Variants in RPS6KA3 observed in about 807,000 individuals in gnomAD.
RPS6KA3 encodes the protein ribosomal protein S6 kinase A3.
A neutral mutation model predicts 67.2 loss-of-function variants in RPS6KA3; 4 were observed. The observed-to-expected ratio is 0.06, with a 90% CI of 0.03 to 0.14. The LOEUF (loss-of-function observed/expected upper bound fraction) is 0.14. Among genes scored for constraint, RPS6KA3 ranks in the 10% least tolerant of loss-of-function variants. RPS6KA3 has a pLI of 1.00. For synonymous variants in RPS6KA3, 182 were observed against 183.7 expected (o/e 0.99, Z 0.07); for missense variants, 204 against 559.0 (o/e 0.36, Z 6.40).
intron 10 of RPS6KA3, among the ~76,000 whole-genome samples, chrX:20,181,510 G>A (rs765341613): frequency 2.3e-4 from 25 of 111,087 alleles, no homozygotes; most frequent in African/African-American, 6.9e-4. Flanking sequence ...ACAGAATTCC[G>A]ATTTATTATC....
At chrX:20,256,990 T>C (rs113813189) in intron 1 of RPS6KA3, among the ~76,000 whole-genome samples, 2,617 of 112,323 alleles carry the variant, frequency 0.023, 87 homozygotes, top group African/African-American at 0.081. Context: ...AACAGGGCTG[T>C]GTAGTGAAAA....
chrX:20,246,122 GAAA>G lies in RPS6KA3; in HGVS notation c.70-11311_70-11309del, dbSNP rs5901672. ...AATGGCATGACTCCATCTCGGAAAAGAAAAAAAAAAAAAAAAAAAAAGGGAAAT... is the reference window on the plus strand; with the variant it reads ...AATGGCATGACTCCATCTCGGAAAAGAAAAAAAAAAAAAAAAAAGGGAAAT... On this transcript the variant is annotated intron_variant, in intron 1 of 21. Coordinates refer to ENST00000379565, the MANE Select transcript of RPS6KA3 (RefSeq NM_004586.3). Among the ~76,000 whole-genome samples the G allele has an allele frequency of 5.5e-3, 288 of 52,841 alleles. 1 individual carries two copies. Among genetic ancestry groups the G allele is most frequent in the South Asian group, 0.017 (13 of 787 alleles). 45.9% of individuals were successfully genotyped at this position (52,841 alleles called of 115,157 possible). A position where few individuals can be genotyped will look rare whatever the true frequency, so the allele number is the denominator to read the frequency against.
chrX:20,179,214 A>T (rs2067782521), intron 10 of RPS6KA3, among the ~76,000 whole-genome samples: 1 of 112,154 alleles, frequency 8.9e-6, no homozygotes, highest in Non-Finnish European at 1.9e-5. Context: ...AACTGGGAGT[A>T]TAAGAAAAGA....
chrX:20,174,817 C>T (rs1370122877), intron 14 of RPS6KA3, among the ~76,000 whole-genome samples: 1 of 111,309 alleles, frequency 9.0e-6, no homozygotes, highest in African/African-American at 3.3e-5. Flanking sequence ...TGCAGTGGTG[C>T]GATCTCCGCT....
intron 15 of RPS6KA3, among the ~76,000 whole-genome samples, chrX:20,170,961 T>C (rs2067558661): frequency 9.1e-6 from 1 of 110,430 alleles, no homozygotes; most frequent in East Asian, 2.8e-4. Context: ...AATTTTTCTG[T>C]AGAGATAGGG....
intron 14 of RPS6KA3, among the ~76,000 whole-genome samples, chrX:20,174,171 A>G (rs994542588): frequency 1.8e-5 from 2 of 111,000 alleles, no homozygotes; most frequent in African/African-American, 6.6e-5. Context: ...CTTCACAGAG[A>G]AAGTCTGCCG....
intron 1 of RPS6KA3, chrX:20,265,986 TTTC>T (rs2070368718): frequency 9.0e-6 from 1 of 111,337 alleles, no homozygotes; most frequent in African/African-American, 3.3e-5. Flanking sequence ...AGGCTTCCGC[TTTC>T]TTCTTTGCAG....
At chrX:20,234,484 C>T (rs1276258711) in intron 2 of RPS6KA3, among the ~76,000 whole-genome samples, 1 of 111,312 alleles carries the variant, frequency 9.0e-6, no homozygotes, top group African/African-American at 3.3e-5. Context: ...TCAAAAAAAT[C>T]CCCAAGAAAC....
At chrX:20,229,794 T>C (rs2148775021) in intron 2 of RPS6KA3, among the ~76,000 whole-genome samples, 1 of 111,946 alleles carries the variant, frequency 8.9e-6, no homozygotes, top group African/African-American at 3.2e-5. Context: ...TAAGCCTAAT[T>C]TGTATAATCT....
chrX:20,266,939 G>C, upstream of RPS6KA3: 1 of 707,178 alleles, frequency 1.4e-6, no homozygotes, highest in Non-Finnish European at 1.7e-6. Flanking sequence ...CCGGGACTAC[G>C]GCTCCGCCCC....
chrX:20,266,493 CG>C (rs1342566622), intron 1 of RPS6KA3, 70 bp downstream of exon 1: 2 of 900,847 alleles, frequency 2.2e-6, no homozygotes, highest in African/African-American at 4.0e-5. Flanking sequence ...TGGCCAGCTC[CG>C]GGGAGCGAAG....
chrX:20,158,388 AGAG>A (rs1237683939), intron 20 of RPS6KA3, among the ~76,000 whole-genome samples: 7 of 84,187 alleles, frequency 8.3e-5, no homozygotes, highest in Non-Finnish European at 1.3e-4. Context: ...AAAAAAAAAA[AGAG>A]AGAGAGAGAG....
chrX:20,246,933 G>A (rs2069706016), intron 1 of RPS6KA3, among the ~76,000 whole-genome samples: 1 of 111,055 alleles, frequency 9.0e-6, no homozygotes, highest in African/African-American at 3.3e-5. Flanking sequence ...TAGGTGAACT[G>A]ACTTAGGAAG....
intron 14 of RPS6KA3, 127 bp downstream of exon 14, chrX:20,175,037 A>G: frequency 1.4e-6 from 1 of 691,029 alleles, no homozygotes; most frequent in Non-Finnish European, 2.3e-6. Flanking sequence ...TACGGGTGTG[A>G]GCCACTATGC....
At chrX:20,253,836 T>C (rs1472470882) in intron 1 of RPS6KA3, among the ~76,000 whole-genome samples, 1 of 110,458 alleles carries the variant, frequency 9.1e-6, no homozygotes, top group Non-Finnish European at 1.9e-5. Context: ...TAGACTTTAA[T>C]GTTCCAAAAG....
chrX:20,231,646 G>A (rs1038323050), intron 2 of RPS6KA3, among the ~76,000 whole-genome samples: 26 of 111,926 alleles, frequency 2.3e-4, no homozygotes, highest in African/African-American at 8.1e-4. Flanking sequence ...AGTAATCCCC[G>A]GTAACGGTGA....
In RPS6KA3 at chrX:20,154,904, G is replaced by A. The variant is rs1222321525; in HGVS notation, c.*494C>T. ...ACAAGGCATGTATACATTAAAGAAAGCAGTACAGAAATGTACTGTATATGA... is the reference window on the plus strand; with the variant it reads ...ACAAGGCATGTATACATTAAAGAAAACAGTACAGAAATGTACTGTATATGA... On this transcript the variant is annotated 3_prime_UTR_variant, in exon 22 of 22. Coordinates refer to ENST00000379565, the MANE Select transcript of RPS6KA3 (RefSeq NM_004586.3). 1.6e-5 allele frequency: 2 copies of A among 128,986 alleles called. No individual in the cohort carries two copies. Among genetic ancestry groups the A allele is most frequent in the African/African-American group, 6.4e-5 (2 of 31,247 alleles). 10.6% of individuals were successfully genotyped at this position (128,986 alleles called of 1,213,427 possible).
At chrX:20,165,831 T>C (rs931654869) in intron 17 of RPS6KA3, among the ~76,000 whole-genome samples, 1 of 111,713 alleles carries the variant, frequency 9.0e-6, no homozygotes, top group Non-Finnish European at 1.9e-5. Flanking sequence ...CCTCTTTTAA[T>C]GATCTACCTG....
At chrX:20,186,221 C>T (rs1240000767) in intron 10 of RPS6KA3, 75 bp downstream of exon 10, 2 of 715,462 alleles carry the variant, frequency 2.8e-6, no homozygotes, top group African/African-American at 2.1e-5. Flanking sequence ...GGATTACAGG[C>T]ATGAGCCACA....
Sources: allele counts gnomAD v4.1 joint callset (sites outside exome capture counted in the v4.1 genomes callset), GRCh38; gene constraint gnomAD v4.1.1; transcripts MANE v1.5; gene names NCBI Gene and HGNC (gene_info 2026-07-23, HGNC 2026-07-21).